The following WIPF3 variants were observed in gnomAD, a reference collection of about 807,000 sequenced individuals.
The protein encoded by WIPF3 is WAS/WASL-interacting protein family member 3.
WIPF3 carries 33 observed loss-of-function variants against 38.9 expected under a neutral mutation model. That is an observed-to-expected ratio of 0.85 (90% CI 0.64 to 1.14). The LOEUF (loss-of-function observed/expected upper bound fraction) is 1.14, where lower values mean the gene tolerates loss of function less well. Ranked by LOEUF, WIPF3 falls within the 50% of genes most tolerant of loss-of-function variation. The probability of loss-of-function intolerance (pLI) is 0.00; values close to 1 mark genes in which losing one functional copy is unlikely to be tolerated. For synonymous variants in WIPF3, 324 were observed against 269.3 expected, an observed-to-expected ratio of 1.20 and a Z score of -1.99; for missense variants, 711 against 652.5, an observed-to-expected ratio of 1.09 and a Z score of -0.98.
chr7:29,849,588 G>A (rs566205338), intron 2 of WIPF3, among the ~76,000 whole-genome samples: 5 of 152,252 alleles, frequency 3.3e-5, no homozygotes, highest in South Asian at 4.2e-4. Flanking sequence ...AATGCCTCTC[G>A]TGACTGTATT....
At chr7:29,883,722 A>G in intron 4 of WIPF3, 128 bp from the exon 5 acceptor site, 1 of 1,311,898 alleles carries the variant, frequency 7.6e-7, no homozygotes, top group Non-Finnish European at 9.9e-7. Flanking sequence ...CTCAGTGGAC[A>G]CGTGCAGAAA....
intron 2 of WIPF3, among the ~76,000 whole-genome samples, chr7:29,851,400 C>T (rs1240413653): frequency 5.9e-5 from 9 of 151,934 alleles, no homozygotes; most frequent in African/African-American, 1.9e-4. Flanking sequence ...TTTTTTTGAC[C>T]GAATCTTTTC....
Position 29,888,138 on chromosome 7 carries a change from C to A in WIPF3, c.1170C>A (p.Ser390Arg). 1 of 1,613,840 alleles carries A rather than the reference C, an allele frequency of 6.2e-7. No individual in the cohort carries two copies. The highest frequency in any genetic ancestry group is 8.5e-7 in the Non-Finnish European group (1 of 1,179,832). Residue 390 changes from serine to arginine, a missense_variant, in exon 6 of 9, where the codon AGC becomes AGA. Transcript: ENST00000242140. ...PARSPTTELS[S>R]KSQQATAWTP... The stretch of plus-strand genomic sequence containing the variant: ...GATCACCTACCACAGAGCTTTCAAG[C>A]AAGAGCCAGCAGGCCACAGCCTGGA...
At chr7:29,837,572 TTC>T (rs928745117) in intron 2 of WIPF3, among the ~76,000 whole-genome samples, 10 of 152,312 alleles carry the variant, frequency 6.6e-5, no homozygotes, top group East Asian at 1.9e-4. Flanking sequence ...TCTCCTTCAT[TTC>T]TCTCTCTCTT....
chr7:29,841,986 C>A (rs1032329643), intron 2 of WIPF3, among the ~76,000 whole-genome samples: 3 of 152,194 alleles, frequency 2.0e-5, no homozygotes, highest in Non-Finnish European at 4.4e-5. Flanking sequence ...CTTTTCCTTT[C>A]AACTGTACTT....
At chr7:29,848,083 G>A (rs1032779515) in intron 2 of WIPF3, among the ~76,000 whole-genome samples, 3 of 152,196 alleles carry the variant, frequency 2.0e-5, no homozygotes, top group Non-Finnish European at 1.5e-5. Flanking sequence ...ATTCTTAGGA[G>A]TGGAATGGTT....
chr7:29,842,372 C>A (rs1784925891), intron 2 of WIPF3, among the ~76,000 whole-genome samples: 1 of 152,212 alleles, frequency 6.6e-6, no homozygotes, highest in Non-Finnish European at 1.5e-5. Context: ...TAGGAAGACA[C>A]TGAGGTGCCG....
intron 2 of WIPF3, among the ~76,000 whole-genome samples, chr7:29,865,395 C>T (rs923666467): frequency 3.3e-5 from 5 of 152,156 alleles, no homozygotes; most frequent in African/African-American, 7.2e-5. Context: ...TTCCACTATA[C>T]CACACTGCCT....
In WIPF3 at chr7:29,888,064, TAAGGG is replaced by T; in HGVS notation, c.1100-3_1101del. On this transcript the variant is annotated splice_acceptor_variant and splice_polypyrimidine_tract_variant and coding_sequence_variant and intron_variant, in exon 6 of 9. Transcript: ENST00000242140. LOFTEE classifies it high-confidence loss of function. ...TCTGAGTACACCATCATCTTCTCTG[TAAGGG>T]GCCGGTGGGGGAAAGCTAAATCCAC... The T allele has an allele frequency of 6.2e-7, 1 of 1,613,878 alleles. No homozygotes were observed. Among genetic ancestry groups the T allele is most frequent in the Non-Finnish European group, 8.5e-7 (1 of 1,179,820 alleles).
chr7:29,843,212 AAG>A (rs1348146304), intron 2 of WIPF3, among the ~76,000 whole-genome samples: 6 of 152,218 alleles, frequency 3.9e-5, no homozygotes, highest in African/African-American at 1.4e-4. Flanking sequence ...CTGGAAGAGA[AAG>A]AGGTGTGGCA....
At chr7:29,891,858 A>G (rs1385500412) in intron 7 of WIPF3, among the ~76,000 whole-genome samples, 5 of 152,316 alleles carry the variant, frequency 3.3e-5, no homozygotes, top group Non-Finnish European at 5.9e-5. Context: ...AGAGGGTCAC[A>G]GTTCCACGTG....
Position 29,914,579 on chromosome 7 carries a change from C to T in WIPF3, c.*63C>T. On this transcript the variant is annotated 3_prime_UTR_variant, in exon 9 of 9. Coordinates refer to ENST00000242140, the MANE Select transcript of WIPF3 (RefSeq NM_001080529.3). ...GCAGAACAACATGTCAGACCCCACC[C>T]ACCCCATGCTCAAGCTGTAATTCAG... The T allele has an allele frequency of 7.9e-7, 1 of 1,271,776 alleles. No homozygotes were observed. The allele number at this position is 1,271,776 out of a possible 1,614,324, so 78.8% of individuals were successfully genotyped here.
intron 2 of WIPF3, among the ~76,000 whole-genome samples, chr7:29,862,280 CT>C (rs1468529162): frequency 1.3e-5 from 2 of 152,156 alleles, no homozygotes; most frequent in African/African-American, 4.8e-5. Context: ...CAAGATGAGG[CT>C]GGGGGAGATG....
rs1276882785 is a variant in WIPF3 at position 29,880,668 on chromosome 7, A to T, written c.355+1528A>T. ...CAGGAGTCCTACTGGTCTGCTTGTCACCAGTGGGACATAAGTGTCAGATGT... is the reference window on the plus strand; with the variant it reads ...CAGGAGTCCTACTGGTCTGCTTGTCTCCAGTGGGACATAAGTGTCAGATGT... On this transcript the variant is annotated intron_variant, in intron 4 of 8. Coordinates refer to ENST00000242140, the MANE Select transcript of WIPF3 (RefSeq NM_001080529.3). Among the ~76,000 whole-genome samples the T allele has an allele frequency of 5.3e-5, 8 of 152,306 alleles. No individual in the cohort carries two copies. In the East Asian group the frequency reaches 1.5e-3, roughly 29 times the overall value.
At chr7:29,829,574 C>T (rs1356055252) in intron 1 of WIPF3, among the ~76,000 whole-genome samples, 1 of 152,164 alleles carries the variant, frequency 6.6e-6, no homozygotes, top group Admixed American at 6.5e-5. Flanking sequence ...GTCACTTCCA[C>T]GTATGTGTCA....
At position 29,884,019 on chromosome 7, in the gene WIPF3, C is replaced by T. The variant is rs1253037398; in HGVS notation, c.525C>T (p.Pro175=). Residue 175 remains proline, a synonymous_variant, in exon 5 of 9, where the codon CCC becomes CCT. Transcript: ENST00000242140. ...CTCGCCCCAACGTGCCTGCCCCGCC[C>T]CCTCCCACCCCACCCCCTCCGCCTC... ...APPRPNVPAP[P]PPTPPPPPPP... 2 of 1,144,936 alleles carry T rather than the reference C, an allele frequency of 1.7e-6. No homozygotes were observed. The highest frequency in any genetic ancestry group is 2.3e-6 in the Non-Finnish European group (2 of 870,576). 70.9% of individuals were successfully genotyped at this position (1,144,936 alleles called of 1,614,324 possible).
At chr7:29,911,713 G>T (rs1786508847) in intron 8 of WIPF3, among the ~76,000 whole-genome samples, 1 of 152,136 alleles carries the variant, frequency 6.6e-6, no homozygotes, top group Non-Finnish European at 1.5e-5. Context: ...ATGATGCTAG[G>T]AACACTGGAT....
intron 1 of WIPF3, among the ~76,000 whole-genome samples, chr7:29,831,091 A>G (rs1337067207): frequency 6.6e-6 from 1 of 152,186 alleles, no homozygotes; most frequent in Non-Finnish European, 1.5e-5. Context: ...TCCTATAAAC[A>G]AGTGCTCCTC....
intron 8 of WIPF3, among the ~76,000 whole-genome samples, chr7:29,914,193 G>GT (rs1010073603): frequency 3.9e-5 from 6 of 152,008 alleles, no homozygotes; most frequent in Non-Finnish European, 8.8e-5. Context: ...TCTCCAGCAC[G>GT]TTTTTTTTAT....
Sources: gnomAD v4.1 joint callset for allele counts (sites outside exome capture counted in the v4.1 genomes callset) on GRCh38, gnomAD v4.1.1 for gene constraint, MANE v1.5 for transcripts, NCBI Gene and HGNC (gene_info 2026-07-23, HGNC 2026-07-21) for gene names.